Variants in HPSE2 observed in about 807,000 individuals in gnomAD.
HPSE2 encodes the protein heparanase 2 (inactive).
In HPSE2, 38 loss-of-function variants were observed where a neutral mutation model predicts 60.5. That is an observed-to-expected ratio of 0.63 (90% CI 0.48 to 0.82). HPSE2 has a LOEUF of 0.82. Among genes scored for constraint, HPSE2 ranks in the 40% least tolerant of loss-of-function variants. The probability of loss-of-function intolerance (pLI) is 0.00; values close to 1 mark genes in which losing one functional copy is unlikely to be tolerated. For missense variants in HPSE2, 713 were observed against 740.4 expected, an observed-to-expected ratio of 0.96 and a Z score of 0.43; for synonymous variants, 295 against 293.2, an observed-to-expected ratio of 1.01 and a Z score of -0.06.
the HPSE2 span, among the ~76,000 whole-genome samples, chr10:99,264,288 T>C: frequency 6.6e-6 from 1 of 152,004 alleles, no homozygotes; most frequent in Non-Finnish European, 1.5e-5. Context: ...AGCATTTCAC[T>C]GTGTTAGCCT....
chr10:98,567,521 C>T (rs1172660237), intron 9 of HPSE2, among the ~76,000 whole-genome samples: 2 of 152,140 alleles, frequency 1.3e-5, no homozygotes, highest in African/African-American at 4.8e-5. Context: ...CTGCTCTATC[C>T]TGTCACCGGG....
chr10:99,000,480 G>A (rs887260824), intron 3 of HPSE2, among the ~76,000 whole-genome samples: 61 of 152,176 alleles, frequency 4.0e-4, no homozygotes, highest in African/African-American at 1.4e-3. Context: ...AGAGTGACAA[G>A]AGATAATGGC....
chr10:98,539,874 CT>C (rs138283188), intron 9 of HPSE2, among the ~76,000 whole-genome samples: 6,563 of 152,308 alleles, frequency 0.043, 152 homozygotes, highest in South Asian at 0.082. Context: ...ACCTTTCCTC[CT>C]TCTGTCTTCT....
intron 3 of HPSE2, among the ~76,000 whole-genome samples, chr10:98,925,411 G>A (rs1954425394): frequency 6.6e-6 from 1 of 150,656 alleles, no homozygotes; most frequent in Non-Finnish European, 1.5e-5. Context: ...TGAGGGCACT[G>A]CTTTGTTTCT....
At chr10:99,061,743 T>C (rs2135524982) in intron 3 of HPSE2, among the ~76,000 whole-genome samples, 1 of 152,372 alleles carries the variant, frequency 6.6e-6, no homozygotes, top group African/African-American at 2.4e-5. Context: ...CTGTTTGAGC[T>C]TGGGCAAATT....
the HPSE2 span, among the ~76,000 whole-genome samples, chr10:99,252,410 T>C: frequency 6.6e-6 from 1 of 152,166 alleles, no homozygotes; most frequent in Non-Finnish European, 1.5e-5. Context: ...TATGATTCTA[T>C]TCATAGAAAA....
intron 3 of HPSE2, among the ~76,000 whole-genome samples, chr10:99,133,532 C>T (rs1466765727): frequency 6.6e-6 from 1 of 152,142 alleles, no homozygotes; most frequent in Admixed American, 6.5e-5. Context: ...AAGAAGCTTC[C>T]AGAGGAAAGA....
chr10:98,544,056 C>A (rs1021952610), intron 9 of HPSE2, among the ~76,000 whole-genome samples: 53 of 151,488 alleles, frequency 3.5e-4, no homozygotes, highest in African/African-American at 1.2e-3. Context: ...CACACCTATT[C>A]CAAAATTGAC....
At chr10:98,858,016 C>G (rs552490438) in intron 3 of HPSE2, among the ~76,000 whole-genome samples, 1 of 152,266 alleles carries the variant, frequency 6.6e-6, no homozygotes, top group South Asian at 2.1e-4. Flanking sequence ...ATATTCATGG[C>G]TATCAATAGC....
intron 3 of HPSE2, among the ~76,000 whole-genome samples, chr10:98,960,701 CT>C: frequency 4.4e-3 from 252 of 57,524 alleles, no homozygotes; most frequent in East Asian, 0.043. Context: ...ATGTACATTT[CT>C]TTTTTTTTTT....
At chr10:98,860,905 C>A (rs1229854351) in intron 3 of HPSE2, among the ~76,000 whole-genome samples, 6 of 152,132 alleles carry the variant, frequency 3.9e-5, no homozygotes, top group Admixed American at 6.6e-5. Flanking sequence ...GTTGCACTCC[C>A]AACCTTAGGC....
intron 4 of HPSE2, among the ~76,000 whole-genome samples, chr10:98,740,091 T>C (rs770393113): frequency 5.3e-5 from 8 of 152,110 alleles, no homozygotes; most frequent in African/African-American, 9.7e-5. Context: ...TAGGGAAATA[T>C]GTTATATCCA....
chr10:98,488,096 G>A (rs78335467), intron 10 of HPSE2, among the ~76,000 whole-genome samples: 10,598 of 152,180 alleles, frequency 0.07, 1,166 homozygotes, highest in African/African-American at 0.24. Flanking sequence ...TAGAAGCCCA[G>A]TGACACCGTT....
chr10:98,933,659 T>C (rs35528914), intron 3 of HPSE2, among the ~76,000 whole-genome samples: 4,693 of 143,896 alleles, frequency 0.033, 766 homozygotes, highest in East Asian at 0.17. Context: ...CATATATATT[T>C]AGGGTAGTTA....
At chr10:99,166,948 T>C (rs147064335) in intron 2 of HPSE2, among the ~76,000 whole-genome samples, 1 of 152,120 alleles carries the variant, frequency 6.6e-6, no homozygotes, top group African/African-American at 2.4e-5. Flanking sequence ...AAGGCCAATT[T>C]ATCTATTTTT....
intron 5 of HPSE2, among the ~76,000 whole-genome samples, chr10:98,697,013 G>A (rs373940992): frequency 2.0e-5 from 3 of 151,918 alleles, no homozygotes; most frequent in Non-Finnish European, 4.4e-5. Flanking sequence ...CTCAAAGATT[G>A]ATAGTAGACA....
chr10:99,296,376 A>C, the HPSE2 span, among the ~76,000 whole-genome samples: 1 of 152,174 alleles, frequency 6.6e-6, no homozygotes, highest in Non-Finnish European at 1.5e-5. Context: ...ATGCCGTTTC[A>C]ATTTATGTTT....
At chr10:98,834,691 G>A (rs1383387050) in intron 3 of HPSE2, among the ~76,000 whole-genome samples, 9 of 152,084 alleles carry the variant, frequency 5.9e-5, no homozygotes, top group Non-Finnish European at 7.4e-5. Context: ...AGATCTGTGA[G>A]GTCCTTACAT....
the HPSE2 span, among the ~76,000 whole-genome samples, chr10:99,241,236 C>T: frequency 6.6e-6 from 1 of 152,070 alleles, no homozygotes; most frequent in South Asian, 2.1e-4. Context: ...CCCTCCAGAA[C>T]CTATCAATGT....
Sources: gnomAD v4.1 joint callset for allele counts (sites outside exome capture counted in the v4.1 genomes callset) on GRCh38, gnomAD v4.1.1 for gene constraint, MANE v1.5 for transcripts, NCBI Gene and HGNC (gene_info 2026-07-23, HGNC 2026-07-21) for gene names.